Variants in TMCC1 observed in about 807,000 individuals in gnomAD.
TMCC1 encodes transmembrane and coiled-coil domains protein 1.
Under a neutral mutation model 52.4 loss-of-function variants are expected in TMCC1, and 15 were observed. That is an observed-to-expected ratio of 0.29 (90% CI 0.19 to 0.44). The LOEUF (loss-of-function observed/expected upper bound fraction) is 0.44. Ranked by LOEUF, TMCC1 falls within the 20% of genes least tolerant of loss-of-function variation. TMCC1 has a pLI of 1.00. For synonymous variants in TMCC1, 279 were observed against 301.9 expected, an observed-to-expected ratio of 0.92 and a Z score of 0.79; for missense variants, 503 against 806.0, an observed-to-expected ratio of 0.62 and a Z score of 4.55.
intron 5 of TMCC1, among the ~76,000 whole-genome samples, chr3:129,661,211 A>T (rs2086999993): frequency 6.6e-6 from 1 of 152,248 alleles, no homozygotes; most frequent in Non-Finnish European, 1.5e-5. Flanking sequence ...AGCAGATGAA[A>T]CAGACAAACA....
At chr3:129,875,896 G>C (rs1314644606) in intron 2 of TMCC1, among the ~76,000 whole-genome samples, 1 of 152,166 alleles carries the variant, frequency 6.6e-6, no homozygotes, top group Non-Finnish European at 1.5e-5. Flanking sequence ...CACTTTGGGA[G>C]GCCAAGGCGG....
intron 4 of TMCC1, among the ~76,000 whole-genome samples, chr3:129,715,414 G>A (rs2049005591): frequency 6.6e-6 from 1 of 152,128 alleles, no homozygotes; most frequent in South Asian, 2.1e-4. Context: ...AAAAACACTG[G>A]CTGGGTGTGG....
intron 4 of TMCC1, among the ~76,000 whole-genome samples, chr3:129,698,245 A>G (rs2047556484): frequency 6.6e-6 from 1 of 152,168 alleles, no homozygotes; most frequent in Non-Finnish European, 1.5e-5. Flanking sequence ...AGGAGGAGCA[A>G]AGGCACGTCT....
intron 4 of TMCC1, among the ~76,000 whole-genome samples, chr3:129,777,778 A>G (rs2055160396): frequency 6.6e-6 from 1 of 152,228 alleles, no homozygotes; most frequent in African/African-American, 2.4e-5. Flanking sequence ...ATAAAGAACA[A>G]AAGCAATCTG....
intron 2 of TMCC1, 25 bp from the exon 3 acceptor site, chr3:129,832,851 C>G (rs1015992938): frequency 1.2e-4 from 18 of 152,170 alleles, no homozygotes; most frequent in African/African-American, 4.3e-4. Flanking sequence ...TTAAGAATTA[C>G]AAGGTGAGAA....
intron 4 of TMCC1, among the ~76,000 whole-genome samples, chr3:129,781,366 A>C (rs2055510955): frequency 6.6e-6 from 1 of 152,158 alleles, no homozygotes; most frequent in Non-Finnish European, 1.5e-5. Context: ...GCAGAGAATA[A>C]AGCAAATAGT....
chr3:129,814,086 G>C (rs995200706), intron 4 of TMCC1, among the ~76,000 whole-genome samples: 1 of 151,210 alleles, frequency 6.6e-6, no homozygotes, highest in South Asian at 2.1e-4. Flanking sequence ...TTATAGGCTT[G>C]CATTTCCTAT....
In TMCC1 at chr3:129,677,301, C is replaced by T. The variant is rs1354765963; in HGVS notation, c.577-6037G>A. 3.3e-5 allele frequency among the ~76,000 whole-genome samples: 5 copies of T among 152,078 alleles called. No homozygotes were observed. In the South Asian group the frequency reaches 6.2e-4, roughly 19 times the overall value. On this transcript the variant is annotated intron_variant, in intron 4 of 6. Coordinates refer to ENST00000393238, the MANE Select transcript of TMCC1 (RefSeq NM_001017395.5). ...GGCTATAATATTCAAGAATCATTCT[C>T]ACAAGACTTTAGAATGAAGTATATT...
intron 4 of TMCC1, among the ~76,000 whole-genome samples, chr3:129,721,146 T>C (rs2049549473): frequency 6.6e-6 from 1 of 152,198 alleles, no homozygotes. Context: ...TTGTAAACAC[T>C]GTGAAAACTC....
intron 2 of TMCC1, among the ~76,000 whole-genome samples, chr3:129,849,204 T>C (rs2107894462): frequency 6.6e-6 from 1 of 152,310 alleles, no homozygotes; most frequent in African/African-American, 2.4e-5. Context: ...GGCTCACACC[T>C]GTAATCCCAA....
In TMCC1 at chr3:129,648,686, TTTTC is replaced by T. The variant is rs1236626250; in HGVS notation, c.*2791_*2794del. On this transcript the variant is annotated 3_prime_UTR_variant, in exon 7 of 7. Coordinates refer to ENST00000393238, the MANE Select transcript of TMCC1 (RefSeq NM_001017395.5). ...TTTAAAGGGAATGAATACAGTTTTC[TTTTC>T]TTTTTTTTTTAGAGGAGCATTCAAA... 2.8e-4 allele frequency: 17 copies of T among 60,434 alleles called. No homozygotes were observed. The highest frequency in any genetic ancestry group is 4.5e-4 in the African/African-American group (15 of 33,158). 3.7% of individuals were successfully genotyped at this position (60,434 alleles called of 1,614,324 possible). A position where few individuals can be genotyped will look rare whatever the true frequency, so the allele number is the denominator to read the frequency against.
chr3:129,835,414 C>A (rs1014352518), intron 2 of TMCC1, among the ~76,000 whole-genome samples: 1 of 152,008 alleles, frequency 6.6e-6, no homozygotes, highest in Non-Finnish European at 1.5e-5. Context: ...GCTGAACCAG[C>A]CCCACCTAGC....
chr3:129,654,897 C>T, intron 6 of TMCC1, 71 bp downstream of exon 6: 1 of 1,559,094 alleles, frequency 6.4e-7, no homozygotes, highest in Non-Finnish European at 8.7e-7. Flanking sequence ...ATCTTTTTTC[C>T]TTCCGCTGTT....
intron 4 of TMCC1, among the ~76,000 whole-genome samples, chr3:129,698,605 A>G (rs1167274483): frequency 1.3e-5 from 2 of 152,188 alleles, no homozygotes; most frequent in Admixed American, 6.5e-5. Context: ...ATGAGTTATA[A>G]TTTTACCTTA....
At chr3:129,671,934 C>A (rs975052718) in intron 4 of TMCC1, among the ~76,000 whole-genome samples, 2 of 152,048 alleles carry the variant, frequency 1.3e-5, no homozygotes, top group Non-Finnish European at 2.9e-5. Flanking sequence ...AAGGTGATAA[C>A]CTTGAGCAAG....
intron 4 of TMCC1, among the ~76,000 whole-genome samples, chr3:129,825,519 C>G (rs932437878): frequency 3.5e-5 from 5 of 144,914 alleles, no homozygotes; most frequent in African/African-American, 1.3e-4. Flanking sequence ...AAGTTTACAT[C>G]TATCTTTTTT....
At chr3:129,702,943 G>A (rs1397635415) in intron 4 of TMCC1, among the ~76,000 whole-genome samples, 1 of 152,178 alleles carries the variant, frequency 6.6e-6, no homozygotes, top group Non-Finnish European at 1.5e-5. Context: ...TTGAACCCGG[G>A]AGGTTGAGGT....
intron 4 of TMCC1, among the ~76,000 whole-genome samples, chr3:129,825,975 GA>G (rs2058641465): frequency 6.6e-6 from 1 of 152,126 alleles, no homozygotes; most frequent in Non-Finnish European, 1.5e-5. Context: ...ACAATGTTAT[GA>G]AAAAAGTTCT....
chr3:129,685,842 A>G (rs536020747), intron 4 of TMCC1, among the ~76,000 whole-genome samples: 16 of 152,338 alleles, frequency 1.1e-4, no homozygotes, highest in Admixed American at 2.0e-4. Flanking sequence ...ACACTGTTCC[A>G]TATCTCAGGA....
Sources: gnomAD v4.1 joint callset for allele counts (sites outside exome capture counted in the v4.1 genomes callset) on GRCh38, gnomAD v4.1.1 for gene constraint, MANE v1.5 for transcripts, NCBI Gene and HGNC (gene_info 2026-07-23, HGNC 2026-07-21) for gene names.